Variants in RNF13 observed in about 807,000 individuals in gnomAD.
The protein encoded by RNF13 is E3 ubiquitin-protein ligase RNF13.
A neutral mutation model predicts 37.7 loss-of-function variants in RNF13; 19 were observed. That is an observed-to-expected ratio of 0.50 (90% CI 0.35 to 0.74). The LOEUF (loss-of-function observed/expected upper bound fraction) is 0.74, where lower values mean the gene tolerates loss of function less well. RNF13 is among the 30% of genes least tolerant of loss of function. RNF13 has a pLI of 0.01. For missense variants in RNF13, 375 were observed against 453.0 expected, an observed-to-expected ratio of 0.83 and a Z score of 1.56; for synonymous variants, 144 against 157.8, an observed-to-expected ratio of 0.91 and a Z score of 0.65.
At chr3:149,845,654 A>G (rs1047815695) in intron 1 of RNF13, 1 of 158,232 alleles carries the variant, frequency 6.3e-6, no homozygotes, top group Non-Finnish European at 1.4e-5. Context: ...TTTAAAGCAA[A>G]GATGCTTGTG....
chr3:149,945,667 C>A (rs1024133464), intron 8 of RNF13, among the ~76,000 whole-genome samples: 4 of 152,278 alleles, frequency 2.6e-5, no homozygotes, highest in Middle Eastern at 3.4e-3. Context: ...AGGCACCCCC[C>A]AGTAGGGGCA....
rs1712396872 is a variant in RNF13, at chr3:149,873,995, T to C, written c.321+1841T>C. On this transcript the variant is annotated intron_variant, in intron 4 of 9. Coordinates refer to ENST00000392894, the MANE Select transcript of RNF13 (RefSeq NM_183381.3). ...GTCTTTTGCTTATGTGTCTAATATA[T>C]TCTTGAAAAACATGTACATATGAAA... Among the ~76,000 whole-genome samples the C allele has an allele frequency of 2.0e-5, 3 of 152,324 alleles. No homozygotes were observed. In the South Asian group the frequency reaches 6.2e-4, roughly 32 times the overall value.
At chr3:149,837,381 AATAG>A (rs370788205) in intron 1 of RNF13, among the ~76,000 whole-genome samples, 11 of 152,214 alleles carry the variant, frequency 7.2e-5, no homozygotes, top group African/African-American at 2.7e-4. Context: ...ACTTTACTAT[AATAG>A]ATAGCTCCCC....
At chr3:149,829,245 G>A (rs553965921) in intron 1 of RNF13, among the ~76,000 whole-genome samples, 37 of 152,136 alleles carry the variant, frequency 2.4e-4, no homozygotes, top group African/African-American at 8.7e-4. Context: ...GATTACAGAC[G>A]TGAGCCACCA....
At chr3:149,889,468 C>T (rs1714448519) in intron 4 of RNF13, among the ~76,000 whole-genome samples, 1 of 148,954 alleles carries the variant, frequency 6.7e-6, no homozygotes, top group Non-Finnish European at 1.5e-5. Flanking sequence ...CCATGCCCAG[C>T]TAATTTTTGT....
intron 3 of RNF13, among the ~76,000 whole-genome samples, chr3:149,864,407 T>G (rs1724590472): frequency 6.6e-6 from 1 of 152,142 alleles, no homozygotes; most frequent in Admixed American, 6.5e-5. Flanking sequence ...CTTTCTTGTA[T>G]AGCCTGCAGA....
intron 1 of RNF13, among the ~76,000 whole-genome samples, chr3:149,841,895 G>A (rs1004306370): frequency 6.6e-6 from 1 of 152,200 alleles, no homozygotes; most frequent in African/African-American, 2.4e-5. Flanking sequence ...CTCCCAAAGT[G>A]TTAGGATTAC....
At chr3:149,823,555 G>A (rs1720200151) in intron 1 of RNF13, among the ~76,000 whole-genome samples, 1 of 152,128 alleles carries the variant, frequency 6.6e-6, no homozygotes, top group Admixed American at 6.5e-5. Flanking sequence ...ATAATCAGAA[G>A]TATGGAAAGA....
At chr3:149,889,299 G>GTGTGTGTT (rs1314359796) in intron 4 of RNF13, among the ~76,000 whole-genome samples, 7 of 147,338 alleles carry the variant, frequency 4.8e-5, no homozygotes, top group Non-Finnish European at 1.0e-4. Context: ...GTGCGTGTGT[G>GTGTGTGTT]TGTGTGTGTG....
At chr3:149,838,082 A>G (rs972122949) in intron 1 of RNF13, among the ~76,000 whole-genome samples, 3 of 152,220 alleles carry the variant, frequency 2.0e-5, no homozygotes, top group African/African-American at 7.2e-5. Flanking sequence ...TTAAAGCTCC[A>G]AAATGATCTC....
Position 149,960,905 on chromosome 3 carries a change from C to T in RNF13, c.947C>T (p.Ala316Val). The change falls in exon 10 of 10, where the codon GCT becomes GTT. Residue 316 changes from alanine (A) to valine (V), a missense_variant. Ala to Val is a moderately conservative substitution (Grantham distance 64). Coordinates refer to ENST00000392894, the MANE Select transcript of RNF13 (RefSeq NM_183381.3). ...CATACCCCTTTACTGAGACCTTTAG[C>T]TTCTGTCAGTGCCCAGTCATTTGGG... ...TEHTPLLRPL[A>V]SVSAQSFGAL... is the part of the protein sequence containing the mutation. The T allele has an allele frequency of 2.5e-6, 4 of 1,614,168 alleles. No individual in the cohort carries two copies. Among genetic ancestry groups the T allele is most frequent in the Non-Finnish European group, 3.4e-6 (4 of 1,179,992 alleles).
At chr3:149,891,572 T>C (rs1319945108) in intron 4 of RNF13, among the ~76,000 whole-genome samples, 1 of 152,244 alleles carries the variant, frequency 6.6e-6, no homozygotes, top group African/African-American at 2.4e-5. Context: ...TGTAATTTAG[T>C]TGCATGTAAT....
At chr3:149,861,498 A>G (rs747498629) in intron 3 of RNF13, among the ~76,000 whole-genome samples, 2 of 152,196 alleles carry the variant, frequency 1.3e-5, no homozygotes, top group Non-Finnish European at 1.5e-5. Context: ...ATTAGAGATT[A>G]TTATGTCAAG....
chr3:149,948,319 A>C lies in RNF13; in HGVS notation c.701-11737A>C, dbSNP rs369433359. Among the ~76,000 whole-genome samples the C allele has an allele frequency of 6.3e-4, 96 of 152,310 alleles. 1 individual carries two copies. In the South Asian group the frequency reaches 0.018, roughly 28 times the overall value. ...TTGTTGGATCTCATATTTTTTAGCC[A>C]TTCAATCAATGTCTTGGTATGTTTG... On this transcript the variant is annotated intron_variant, in intron 8 of 9. Transcript: ENST00000392894.
At chr3:149,822,431 A>C (rs1720074881) in intron 1 of RNF13, 1 of 151,994 alleles carries the variant, frequency 6.6e-6, no homozygotes, top group South Asian at 2.1e-4. Context: ...TGGATAGTTC[A>C]TTGCTGGTAT....
chr3:149,851,837 A>G (rs552706149), intron 2 of RNF13, among the ~76,000 whole-genome samples: 10 of 152,180 alleles, frequency 6.6e-5, no homozygotes, highest in Non-Finnish European at 1.0e-4. Flanking sequence ...TCATCTCACA[A>G]TTATTATCAT....
chr3:149,859,526 G>T (rs904904824), intron 3 of RNF13, among the ~76,000 whole-genome samples: 3 of 152,018 alleles, frequency 2.0e-5, no homozygotes, highest in Non-Finnish European at 4.4e-5. Flanking sequence ...GTCAAAGGAG[G>T]CTCAGGTTTT....
rs75247961 is a variant in RNF13, at chr3:149,816,693, T to C, written c.-17+3340T>C. 9.8e-4 allele frequency among the ~76,000 whole-genome samples: 150 copies of C among 152,330 alleles called. 1 individual carries two copies. The East Asian group carries it at 0.027, about 27-fold the overall frequency. On this transcript the variant is annotated intron_variant, in intron 1 of 9. Transcript: ENST00000392894. Reference sequence around the variant, plus strand: ...TAAGGACCAGACTGGTAAAGATAGATGGATACAGATTATGGAGATTCTTAA... The same window carrying C: ...TAAGGACCAGACTGGTAAAGATAGACGGATACAGATTATGGAGATTCTTAA...
intron 4 of RNF13, among the ~76,000 whole-genome samples, chr3:149,879,940 C>A (rs557992131): frequency 2.0e-5 from 3 of 152,150 alleles, no homozygotes; most frequent in Admixed American, 6.5e-5. Flanking sequence ...ATGGATATGT[C>A]TTTTCTAATT....
Sources: allele counts gnomAD v4.1 joint callset (sites outside exome capture counted in the v4.1 genomes callset), GRCh38; gene constraint gnomAD v4.1.1; transcripts MANE v1.5; gene names NCBI Gene and HGNC (gene_info 2026-07-23, HGNC 2026-07-21).